The following FAM135A variants were observed in gnomAD, a reference collection of about 807,000 sequenced individuals.
FAM135A encodes family with sequence similarity 135 member A, also known as protein FAM135A.
In FAM135A, 79 loss-of-function variants were observed where a neutral mutation model predicts 146.8. The ratio of observed to expected loss-of-function variants is 0.54; its 90% CI spans 0.45 to 0.65. The LOEUF is 0.65. Ranked by LOEUF, FAM135A falls within the 30% of genes least tolerant of loss-of-function variation. The pLI is 0.00. For synonymous variants in FAM135A, 562 were observed against 603.6 expected (o/e 0.93, Z 1.01); for missense variants, 1,623 against 1,758.2 (o/e 0.92, Z 1.38).
rs532753650 is a variant in FAM135A, at chr6:70,440,652, C to T, written c.78-11840C>T. Among the ~76,000 whole-genome samples, 13 of 152,306 alleles carry T rather than the reference C, an allele frequency of 8.5e-5. No individual in the cohort carries two copies. The South Asian group carries it at 2.7e-3, about 32-fold the overall frequency. ...GCAGTGAGCTGAGATTGCACCATTG[C>T]ACTCCAACCTGGGCAATAAGAGCTT... On this transcript the variant is annotated intron_variant, in intron 4 of 21. Transcript: ENST00000418814.
At chr6:70,517,935 T>C (rs1792667133) in intron 12 of FAM135A, among the ~76,000 whole-genome samples, 2 of 152,122 alleles carry the variant, frequency 1.3e-5, no homozygotes, top group South Asian at 2.1e-4. Flanking sequence ...AACAGCAATA[T>C]TTAAATTAGG....
At chr6:70,506,404 T>C (rs935862836) in intron 12 of FAM135A, among the ~76,000 whole-genome samples, 1 of 152,144 alleles carries the variant, frequency 6.6e-6, no homozygotes, top group Non-Finnish European at 1.5e-5. Context: ...TTTTGGACTT[T>C]GGGAGCCACA....
chr6:70,523,575 C>CA (rs1238862140), intron 13 of FAM135A, among the ~76,000 whole-genome samples: 1 of 152,056 alleles, frequency 6.6e-6, no homozygotes, highest in Admixed American at 6.6e-5. Context: ...AGAAATGAAA[C>CA]ACGTCTTTTT....
At chr6:70,542,637 A>G (rs1798149157) in intron 20 of FAM135A, among the ~76,000 whole-genome samples, 1 of 152,132 alleles carries the variant, frequency 6.6e-6, no homozygotes, top group Non-Finnish European at 1.5e-5. Flanking sequence ...GGATCAAGCA[A>G]TTCTCCCATC....
chr6:70,521,764 A>C (rs918958910), intron 12 of FAM135A, among the ~76,000 whole-genome samples: 1 of 152,194 alleles, frequency 6.6e-6, no homozygotes, highest in African/African-American at 2.4e-5. Context: ...CTTTCCTTTC[A>C]TAATTAAAAA....
chr6:70,537,116 A>G (rs544567163), intron 19 of FAM135A, among the ~76,000 whole-genome samples: 2 of 151,972 alleles, frequency 1.3e-5, no homozygotes, highest in East Asian at 3.9e-4. Flanking sequence ...TTGTATTTTT[A>G]GTAGAGACGG....
intron 5 of FAM135A, among the ~76,000 whole-genome samples, chr6:70,473,385 T>A (rs1425344323): frequency 1.3e-5 from 2 of 152,170 alleles, no homozygotes; most frequent in Non-Finnish European, 2.9e-5. Context: ...GTACATTATA[T>A]ACACCATACA....
chr6:70,460,028 TCAA>T (rs763899339), intron 5 of FAM135A, among the ~76,000 whole-genome samples: 32 of 152,254 alleles, frequency 2.1e-4, no homozygotes, highest in Non-Finnish European at 4.1e-4. Flanking sequence ...AGACTCCGTC[TCAA>T]CAACAACAAC....
intron 21 of FAM135A, chr6:70,557,162 C>T: frequency 2.1e-6 from 1 of 482,996 alleles, no homozygotes. Context: ...TCATCCTTGT[C>T]ATATGTTCTG....
intron 12 of FAM135A, among the ~76,000 whole-genome samples, chr6:70,506,418 CT>C (rs894591189): frequency 1.3e-5 from 2 of 152,144 alleles, no homozygotes; most frequent in African/African-American, 4.8e-5. Flanking sequence ...AGCCACACAT[CT>C]TTGTCTAAAC....
chr6:70,495,001 G>A (rs1423178435), intron 11 of FAM135A, among the ~76,000 whole-genome samples: 1 of 152,002 alleles, frequency 6.6e-6, no homozygotes, highest in Non-Finnish European at 1.5e-5. Flanking sequence ...CAATAATAAT[G>A]CAAGTTTCAG....
chr6:70,515,919 G>T (rs1017445395), intron 12 of FAM135A, among the ~76,000 whole-genome samples: 7 of 151,326 alleles, frequency 4.6e-5, no homozygotes, highest in Admixed American at 3.3e-4. Context: ...TAAAACTGCT[G>T]TAAAAAAAAA....
rs145034982 is a variant in FAM135A, at chr6:70,489,883, G to A, written c.824-1151G>A. ...GGAGGAGTGCACATGCTTCAGGGTC[G>A]CAGGAGCCCAACCACAAGGCCAGGT... On this transcript the variant is annotated intron_variant, in intron 10 of 21. Coordinates refer to ENST00000418814, the MANE Select transcript of FAM135A (RefSeq NM_001162529.3). Among the ~76,000 whole-genome samples, 15 of 152,148 alleles carry A rather than the reference G, an allele frequency of 9.9e-5. No individual in the cohort carries two copies. The East Asian group carries it at 1.2e-3, about 12-fold the overall frequency.
At chr6:70,495,312 T>C (rs992312392) in intron 11 of FAM135A, among the ~76,000 whole-genome samples, 3 of 152,242 alleles carry the variant, frequency 2.0e-5, no homozygotes, top group Admixed American at 6.5e-5. Context: ...TTTTTTCTTA[T>C]CTGAAGACTG....
At chr6:70,474,060 G>A (rs1488597395) in intron 5 of FAM135A, among the ~76,000 whole-genome samples, 1 of 152,006 alleles carries the variant, frequency 6.6e-6, no homozygotes, top group Admixed American at 6.6e-5. Context: ...ACTCTTGGCT[G>A]CCCTCCTCAC....
intron 11 of FAM135A, among the ~76,000 whole-genome samples, chr6:70,491,966 C>T (rs1212822585): frequency 1.3e-5 from 2 of 151,786 alleles, no homozygotes; most frequent in African/African-American, 4.8e-5. Context: ...TCAAATTTTA[C>T]TCCAGTCAAT....
At chr6:70,497,607 C>T (rs537767176) in intron 11 of FAM135A, among the ~76,000 whole-genome samples, 97 of 152,248 alleles carry the variant, frequency 6.4e-4, no homozygotes, top group African/African-American at 2.2e-3. Flanking sequence ...AGCTTTTGCC[C>T]ATTCAGTATG....
intron 5 of FAM135A, among the ~76,000 whole-genome samples, chr6:70,454,571 A>G (rs1285776261): frequency 6.6e-6 from 1 of 152,198 alleles, no homozygotes; most frequent in East Asian, 1.9e-4. Context: ...ATCCATCTTG[A>G]ATTAATTTTC....
At position 70,525,614 on chromosome 6, in the gene FAM135A, C is replaced by A. The variant is rs375235329; in HGVS notation, c.2530C>A (p.Pro844Thr). 6.2e-7 allele frequency: 1 copy of A among 1,613,522 alleles called. No individual in the cohort carries two copies. The highest frequency in any genetic ancestry group is 2.2e-5 in the East Asian group (1 of 44,858). ...QSSLTSINSL[P>T]SDDELSPDEN... The stretch of plus-strand genomic sequence containing the variant: ...ATCTTTGACATCCATAAACTCTCTA[C>A]CCTCCGATGATGAACTGTCACCTGA... Residue 844 changes from proline (P) to threonine (T), a missense_variant, in exon 15 of 22, where the codon CCC (proline) becomes ACC (threonine). By Grantham distance (38) the Pro-to-Thr change is conservative. Transcript: ENST00000418814.
Sources: gnomAD v4.1 joint callset for allele counts (sites outside exome capture counted in the v4.1 genomes callset) on GRCh38, gnomAD v4.1.1 for gene constraint, MANE v1.5 for transcripts, NCBI Gene and HGNC (gene_info 2026-07-23, HGNC 2026-07-21) for gene names.